Variants in EPHA6 observed in about 807,000 individuals in gnomAD.
The protein encoded by EPHA6 is ephrin type-A receptor 6.
A neutral mutation model predicts 112.0 loss-of-function variants in EPHA6; 50 were observed. That is an observed-to-expected ratio of 0.45 (90% CI 0.36 to 0.56). EPHA6 has a LOEUF of 0.56. EPHA6 is among the 20% of genes least tolerant of loss of function. The probability of loss-of-function intolerance (pLI) is 0.00; values close to 1 mark genes in which losing one functional copy is unlikely to be tolerated. For synonymous variants in EPHA6, 529 were observed against 490.7 expected (o/e 1.08, Z -1.03); for missense variants, 1,280 against 1,417.4 (o/e 0.90, Z 1.56).
At chr3:97,383,947 T>C (rs896949591) in intron 5 of EPHA6, among the ~76,000 whole-genome samples, 2 of 152,182 alleles carry the variant, frequency 1.3e-5, no homozygotes, top group African/African-American at 4.8e-5. Context: ...AGATATTCAA[T>C]TTTGAAAAAT....
chr3:97,203,536 A>G (rs1458630107), intron 3 of EPHA6, among the ~76,000 whole-genome samples: 2 of 152,144 alleles, frequency 1.3e-5, no homozygotes, highest in African/African-American at 4.8e-5. Flanking sequence ...AGTGCAGATT[A>G]TAATACATAA....
intron 2 of EPHA6, among the ~76,000 whole-genome samples, chr3:96,883,189 C>A (rs151210442): frequency 9.6e-4 from 146 of 152,244 alleles, no homozygotes; most frequent in African/African-American, 3.4e-3. Flanking sequence ...TAATTTTGAG[C>A]ATTTTTTCAT....
chr3:97,299,724 G>A (rs1274630298), intron 5 of EPHA6, among the ~76,000 whole-genome samples: 1 of 152,174 alleles, frequency 6.6e-6, no homozygotes, highest in African/African-American at 2.4e-5. Flanking sequence ...TAGTTAAAAA[G>A]GAAGTGTATT....
At chr3:97,591,614 A>G (rs1432196727) in intron 11 of EPHA6, among the ~76,000 whole-genome samples, 2 of 152,140 alleles carry the variant, frequency 1.3e-5, no homozygotes, top group Non-Finnish European at 2.9e-5. Flanking sequence ...GATTGGCCGT[A>G]TCAGTTACCA....
chr3:96,971,443 T>G (rs2042314552), intron 2 of EPHA6, among the ~76,000 whole-genome samples: 1 of 152,098 alleles, frequency 6.6e-6, no homozygotes, highest in Non-Finnish European at 1.5e-5. Context: ...TGCTTCTTGT[T>G]TTATTCTCCA....
chr3:96,912,086 A>T (rs955776468), intron 2 of EPHA6, among the ~76,000 whole-genome samples: 2 of 152,118 alleles, frequency 1.3e-5, no homozygotes, highest in Admixed American at 6.6e-5. Context: ...AAAAGACAAG[A>T]TTCACTTTTC....
At chr3:97,669,717 T>C (rs1335150260) in intron 14 of EPHA6, among the ~76,000 whole-genome samples, 1 of 152,250 alleles carries the variant, frequency 6.6e-6, no homozygotes, top group Non-Finnish European at 1.5e-5. Flanking sequence ...AATTATATTT[T>C]GCTTGTTCCA....
chr3:97,265,161 TG>T (rs942871146), intron 5 of EPHA6, among the ~76,000 whole-genome samples: 34 of 152,266 alleles, frequency 2.2e-4, no homozygotes, highest in Non-Finnish European at 3.1e-4. Context: ...AATTCATCCA[TG>T]GGCAGCCATG....
intron 3 of EPHA6, among the ~76,000 whole-genome samples, chr3:97,130,714 A>C (rs115713108): frequency 0.011 from 1,632 of 152,184 alleles, 26 homozygotes; most frequent in African/African-American, 0.037. Context: ...ACATTAGGGG[A>C]ATATTAAGGA....
chr3:97,349,818 G>T (rs945200812), intron 5 of EPHA6, among the ~76,000 whole-genome samples: 3 of 151,876 alleles, frequency 2.0e-5, no homozygotes, highest in African/African-American at 7.3e-5. Context: ...ATTAATCTTG[G>T]CCCCTCACAA....
At chr3:97,107,183 C>T (rs2047593687) in intron 3 of EPHA6, among the ~76,000 whole-genome samples, 1 of 152,020 alleles carries the variant, frequency 6.6e-6, no homozygotes, top group African/African-American at 2.4e-5. Flanking sequence ...ATGTAATTTA[C>T]TTTGTAATTT....
chr3:97,284,021 A>G (rs1278336945), intron 5 of EPHA6, among the ~76,000 whole-genome samples: 2 of 152,172 alleles, frequency 1.3e-5, no homozygotes, highest in African/African-American at 4.8e-5. Flanking sequence ...AAGTTTTTTC[A>G]CAAATTCTGC....
chr3:97,462,384 G>GA (rs1446637347), intron 7 of EPHA6, among the ~76,000 whole-genome samples: 1 of 151,768 alleles, frequency 6.6e-6, no homozygotes, highest in African/African-American at 2.4e-5. Context: ...CCTACGTAAA[G>GA]AAAAAAGGAA....
chr3:96,887,576 C>A (rs2037702960), intron 2 of EPHA6, among the ~76,000 whole-genome samples: 1 of 152,132 alleles, frequency 6.6e-6, no homozygotes, highest in African/African-American at 2.4e-5. Flanking sequence ...TGGCCTCCTG[C>A]CGGGAGGTTA....
At chr3:97,313,161 T>A (rs2081641498) in intron 5 of EPHA6, among the ~76,000 whole-genome samples, 1 of 151,602 alleles carries the variant, frequency 6.6e-6, no homozygotes, top group Non-Finnish European at 1.5e-5. Context: ...AGTGAGATTA[T>A]ATGGTATTTG....
chr3:97,135,843 G>T (rs562209774), intron 3 of EPHA6, among the ~76,000 whole-genome samples: 1 of 151,090 alleles, frequency 6.6e-6, no homozygotes, highest in Non-Finnish European at 1.5e-5. Context: ...TCAACTAGAC[G>T]CTGGATTAAA....
intron 3 of EPHA6, among the ~76,000 whole-genome samples, chr3:97,014,156 CAGAT>C (rs1311342998): frequency 2.0e-5 from 3 of 151,960 alleles, no homozygotes; most frequent in Admixed American, 6.6e-5. Context: ...TAGAGATAAA[CAGAT>C]AGAGAAAGAG....
Position 97,757,867 on chromosome 3 carries a change from C to T in EPHA6, c.*9166C>T, listed in dbSNP as rs1307348601. Among the ~76,000 whole-genome samples, 1 of 151,824 alleles carries T rather than the reference C, an allele frequency of 6.6e-6. No individual in the cohort carries two copies. Among genetic ancestry groups the T allele is most frequent in the Non-Finnish European group, 1.5e-5 (1 of 67,766 alleles). ...TATATTTCCATTCAGTCTCATTATG[C>T]TTGAAAGTTTCCAACTCTCAAATAA... On this transcript the variant is annotated 3_prime_UTR_variant, in exon 18 of 18. Coordinates refer to ENST00000389672, the MANE Select transcript of EPHA6 (RefSeq NM_001080448.3).
At chr3:96,854,873 C>G (rs990912515) in intron 1 of EPHA6, among the ~76,000 whole-genome samples, 1 of 152,162 alleles carries the variant, frequency 6.6e-6, no homozygotes, top group African/African-American at 2.4e-5. Context: ...TATTTGTTCT[C>G]TATTACTGCT....
Sources: gnomAD v4.1 joint callset for allele counts (sites outside exome capture counted in the v4.1 genomes callset) on GRCh38, gnomAD v4.1.1 for gene constraint, MANE v1.5 for transcripts, NCBI Gene and HGNC (gene_info 2026-07-23, HGNC 2026-07-21) for gene names.